The following GRXCR1 variants were observed in gnomAD, a reference collection of about 807,000 sequenced individuals.
GRXCR1 encodes the protein glutaredoxin and cysteine rich domain containing 1, also known as glutaredoxin domain-containing cysteine-rich protein 1.
In GRXCR1, 27 loss-of-function variants were observed where a neutral mutation model predicts 27.3. The ratio of observed to expected loss-of-function variants is 0.99; its 90% CI spans 0.73 to 1.37. GRXCR1 has a LOEUF of 1.37. Among genes scored for constraint, GRXCR1 ranks in the 40% most tolerant of loss-of-function variants. The pLI is 0.00. For synonymous variants in GRXCR1, 122 were observed against 131.1 expected (o/e 0.93, Z 0.47); for missense variants, 379 against 354.4 (o/e 1.07, Z -0.56).
intron 2 of GRXCR1, among the ~76,000 whole-genome samples, chr4:42,977,736 T>C (rs1384999217): frequency 6.6e-6 from 1 of 152,062 alleles, no homozygotes; most frequent in Non-Finnish European, 1.5e-5. Context: ...TTGCAAATAT[T>C]TTCTCCCATT....
intron 2 of GRXCR1, among the ~76,000 whole-genome samples, chr4:43,006,807 A>G (rs1712572719): frequency 6.6e-6 from 1 of 152,174 alleles, no homozygotes; most frequent in African/African-American, 2.4e-5. Context: ...AATCCCTGAT[A>G]AAAACTTGCT....
intron 2 of GRXCR1, among the ~76,000 whole-genome samples, chr4:43,018,047 C>T (rs563496707): frequency 3.3e-5 from 5 of 152,162 alleles, no homozygotes; most frequent in African/African-American, 4.8e-5. Flanking sequence ...ATTGCTGCTG[C>T]TGCAGTTAGG....
chr4:42,951,853 T>C (rs970746253), intron 1 of GRXCR1, among the ~76,000 whole-genome samples: 1 of 152,182 alleles, frequency 6.6e-6, no homozygotes, highest in Non-Finnish European at 1.5e-5. Context: ...TTGATTTGCA[T>C]TTGCCTAATA....
At chr4:42,946,438 C>A (rs1445798366) in intron 1 of GRXCR1, among the ~76,000 whole-genome samples, 2 of 152,064 alleles carry the variant, frequency 1.3e-5, no homozygotes, top group Admixed American at 1.3e-4. Context: ...AATCAGACTG[C>A]CTTACATTCA....
intron 2 of GRXCR1, among the ~76,000 whole-genome samples, chr4:42,990,584 G>A (rs1711941213): frequency 6.6e-6 from 1 of 151,924 alleles, no homozygotes; most frequent in South Asian, 2.1e-4. Flanking sequence ...GTTAGAGTTG[G>A]TAATTTTAAG....
At chr4:42,905,666 G>T (rs1401816391) in intron 1 of GRXCR1, among the ~76,000 whole-genome samples, 1 of 152,190 alleles carries the variant, frequency 6.6e-6, no homozygotes, top group Non-Finnish European at 1.5e-5. Context: ...CCAGACCAGA[G>T]TCAAAACTGA....
intron 2 of GRXCR1, among the ~76,000 whole-genome samples, chr4:42,982,098 A>G (rs1466372397): frequency 1.3e-5 from 2 of 149,820 alleles, no homozygotes; most frequent in Non-Finnish European, 3.0e-5. Context: ...GTACATGTGC[A>G]CATTGTGCAA....
intron 2 of GRXCR1, among the ~76,000 whole-genome samples, chr4:42,994,536 A>G (rs1454507592): frequency 6.6e-6 from 1 of 152,160 alleles, no homozygotes; most frequent in Non-Finnish European, 1.5e-5. Context: ...AACTTACCCC[A>G]CAAACTTTAT....
intron 3 of GRXCR1, 131 bp from the exon 4 acceptor site, chr4:43,030,230 T>A: frequency 1.3e-6 from 1 of 773,784 alleles, no homozygotes; most frequent in Non-Finnish European, 2.3e-6. Context: ...GTAGGTGAAT[T>A]CAAGTGTATA....
chr4:42,979,084 C>G (rs1342293352), intron 2 of GRXCR1, among the ~76,000 whole-genome samples: 1 of 151,836 alleles, frequency 6.6e-6, no homozygotes, highest in East Asian at 1.9e-4. Context: ...CCTCTCTCTC[C>G]TTTATAAACC....
chr4:42,939,537 T>C (rs1240873404), intron 1 of GRXCR1, among the ~76,000 whole-genome samples: 1 of 152,080 alleles, frequency 6.6e-6, no homozygotes. Flanking sequence ...CCCAGTACTA[T>C]GTTGAATAAT....
intron 1 of GRXCR1, among the ~76,000 whole-genome samples, chr4:42,938,899 G>C (rs1747530083): frequency 6.6e-6 from 1 of 150,984 alleles, no homozygotes; most frequent in African/African-American, 2.4e-5. Flanking sequence ...ATGCTGTTCT[G>C]GGTACTATAG....
At chr4:43,006,300 G>A (rs145765008) in intron 2 of GRXCR1, among the ~76,000 whole-genome samples, 2,070 of 152,278 alleles carry the variant, frequency 0.014, 40 homozygotes, top group African/African-American at 0.047. Flanking sequence ...AATTGTTCAG[G>A]GAATAAGAGA....
At chr4:42,935,917 A>AT (rs1413917405) in intron 1 of GRXCR1, among the ~76,000 whole-genome samples, 1 of 151,918 alleles carries the variant, frequency 6.6e-6, no homozygotes, top group East Asian at 1.9e-4. Flanking sequence ...TTTACACTAA[A>AT]TAACACTGCT....
At chr4:42,928,993 T>C (rs1747236367) in intron 1 of GRXCR1, among the ~76,000 whole-genome samples, 1 of 152,004 alleles carries the variant, frequency 6.6e-6, no homozygotes, top group Non-Finnish European at 1.5e-5. Flanking sequence ...TAAAAAGATG[T>C]CAAAACATCA....
At chr4:42,950,733 G>A (rs533531372) in intron 1 of GRXCR1, among the ~76,000 whole-genome samples, 3 of 152,216 alleles carry the variant, frequency 2.0e-5, no homozygotes, top group African/African-American at 7.2e-5. Flanking sequence ...CGAGACTGTA[G>A]CTATTCCCAT....
chr4:42,970,126 G>C, intron 2 of GRXCR1, among the ~76,000 whole-genome samples: 1 of 152,264 alleles, frequency 6.6e-6, no homozygotes, highest in South Asian at 2.1e-4. Flanking sequence ...AATGCAAGGG[G>C]TGGGCTCCCA....
At chr4:42,977,335 G>T (rs779739423) in intron 2 of GRXCR1, among the ~76,000 whole-genome samples, 1 of 151,910 alleles carries the variant, frequency 6.6e-6, no homozygotes, top group African/African-American at 2.4e-5. Context: ...TATATACCCA[G>T]TAGTGAGATT....
At chr4:43,007,627 A>C (rs1249806873) in intron 2 of GRXCR1, among the ~76,000 whole-genome samples, 1 of 152,188 alleles carries the variant, frequency 6.6e-6, no homozygotes, top group Non-Finnish European at 1.5e-5. Flanking sequence ...AAATGGATGC[A>C]TTTAAAATAA....
Sources: gnomAD v4.1 joint callset for allele counts (sites outside exome capture counted in the v4.1 genomes callset) on GRCh38, gnomAD v4.1.1 for gene constraint, MANE v1.5 for transcripts, NCBI Gene and HGNC (gene_info 2026-07-23, HGNC 2026-07-21) for gene names.